CPVL: variants seen among roughly 807,000 people sequenced by gnomAD.
The protein encoded by CPVL is probable serine carboxypeptidase CPVL.
CPVL carries 51 observed loss-of-function variants against 63.7 expected under a neutral mutation model. The ratio of observed to expected loss-of-function variants is 0.80; its 90% CI spans 0.64 to 1.01. The LOEUF is 1.01. Among genes scored for constraint, CPVL ranks in the 50% least tolerant of loss-of-function variants. The pLI, the probability that CPVL is intolerant of heterozygous loss-of-function variation, is 0.00. For synonymous variants in CPVL, 195 were observed against 206.0 expected (o/e 0.95, Z 0.46); for missense variants, 530 against 573.1 (o/e 0.92, Z 0.77).
intron 5 of CPVL, among the ~76,000 whole-genome samples, chr7:29,172,864 G>A (rs1189866471): frequency 6.6e-6 from 1 of 151,916 alleles, no homozygotes; most frequent in Non-Finnish European, 1.5e-5. Context: ...GGATAAGGCC[G>A]AGTGTGGTAG....
chr7:29,133,874 G>A (rs1183085560), intron 1 of CPVL, among the ~76,000 whole-genome samples: 1 of 152,048 alleles, frequency 6.6e-6, no homozygotes, highest in African/African-American at 2.4e-5. Context: ...CTACAGAAAG[G>A]GTCAAAAATG....
chr7:29,156,391 A>T (rs1275978640), intron 5 of CPVL, among the ~76,000 whole-genome samples: 1 of 152,206 alleles, frequency 6.6e-6, no homozygotes, highest in East Asian at 1.9e-4. Context: ...AGAAATTATA[A>T]ATCTGAGGCA....
intron 4 of CPVL, among the ~76,000 whole-genome samples, chr7:29,184,050 A>G (rs1182881078): frequency 1.3e-5 from 2 of 151,914 alleles, no homozygotes; most frequent in African/African-American, 4.8e-5. Flanking sequence ...TTTATATAAG[A>G]CACTTGGGCA....
intron 12 of CPVL, chr7:29,011,781 G>A (rs1422049880): frequency 6.6e-6 from 1 of 152,142 alleles, no homozygotes; most frequent in Admixed American, 6.5e-5. Flanking sequence ...AAACCAGAGG[G>A]TCTGAAAACT....
chr7:29,010,007 C>T (rs1471395048), intron 12 of CPVL: 3 of 152,044 alleles, frequency 2.0e-5, no homozygotes, highest in Non-Finnish European at 4.4e-5. Flanking sequence ...GTGCTTTTTT[C>T]TTCTCCCCTA....
At chr7:29,092,520 A>G in intron 6 of CPVL, 103 bp downstream of exon 6, 1 of 755,904 alleles carries the variant, frequency 1.3e-6, no homozygotes, top group Non-Finnish European at 2.3e-6. Context: ...GAATTGGACT[A>G]TAAGGCTCAG....
At chr7:29,114,238 C>T (rs1333057764) in intron 2 of CPVL, among the ~76,000 whole-genome samples, 4 of 152,112 alleles carry the variant, frequency 2.6e-5, no homozygotes, top group Non-Finnish European at 5.9e-5. Context: ...CCACTAGTTC[C>T]TATTTTACAA....
At chr7:29,102,714 C>T (rs1247621140) in intron 3 of CPVL, among the ~76,000 whole-genome samples, 1 of 152,152 alleles carries the variant, frequency 6.6e-6, no homozygotes, top group Non-Finnish European at 1.5e-5. Flanking sequence ...ATGGCTTTGC[C>T]TCAGAAGCCC....
intron 11 of CPVL, among the ~76,000 whole-genome samples, chr7:29,047,065 C>G (rs1260130185): frequency 6.6e-6 from 1 of 152,090 alleles, no homozygotes; most frequent in Non-Finnish European, 1.5e-5. Context: ...ATTTGTCTTC[C>G]GTCATTCCAT....
intron 5 of CPVL, among the ~76,000 whole-genome samples, chr7:29,161,436 C>A (rs143716591): frequency 0.012 from 1,876 of 152,306 alleles, 24 homozygotes; most frequent in South Asian, 0.022. Context: ...ACCCAACTTC[C>A]CTTTCCAGCT....
At chr7:29,082,319 T>C (rs551518473) in intron 7 of CPVL, 2 of 152,294 alleles carry the variant, frequency 1.3e-5, no homozygotes, top group Admixed American at 1.3e-4. Context: ...ATCTGATTGT[T>C]AGATGAAAAG....
chr7:29,039,640 C>A (rs1360872399), intron 11 of CPVL, among the ~76,000 whole-genome samples: 1 of 152,074 alleles, frequency 6.6e-6, no homozygotes, highest in Admixed American at 6.5e-5. Flanking sequence ...CTGTTCTAAA[C>A]TTTAACCATT....
intron 11 of CPVL, among the ~76,000 whole-genome samples, chr7:29,057,236 A>T (rs1203481306): frequency 6.6e-6 from 1 of 152,128 alleles, no homozygotes; most frequent in East Asian, 1.9e-4. Context: ...GATTATAGAC[A>T]TGAGCCACTG....
chr7:29,153,843 T>A lies in CPVL; in HGVS notation c.-11+27447A>T, dbSNP rs141992293. The stretch of plus-strand genomic sequence containing the variant: ...CCTCGGCCTCTCTAAGTGCTGGGAT[T>A]ACAGGCATGAGCCACCGCACCTGGC... On this transcript the variant is annotated intron_variant, in intron 5 of 16. Transcript: ENST00000409850. Among the ~76,000 whole-genome samples, 1,048 of 152,364 alleles carry A rather than the reference T, an allele frequency of 6.9e-3. 15 individuals carry two copies. The highest frequency in any genetic ancestry group is 0.024 in the African/African-American group (1,003 of 41,580).
chr7:29,179,136 C>G (rs564229820), intron 5 of CPVL, among the ~76,000 whole-genome samples: 1 of 152,264 alleles, frequency 6.6e-6, no homozygotes, highest in South Asian at 2.1e-4. Flanking sequence ...TTGAAAACAG[C>G]CCCTCCATTT....
intron 9 of CPVL, 36 bp from the exon 10 acceptor site, chr7:29,066,157 GAAA>G (rs751462016): frequency 1.8e-4 from 184 of 1,032,418 alleles, no homozygotes; most frequent in South Asian, 8.4e-4. Flanking sequence ...AAGAAAGAAA[GAAA>G]ACATCAGTGT....
At chr7:29,167,553 A>G (rs1485416170) in intron 5 of CPVL, among the ~76,000 whole-genome samples, 1 of 152,188 alleles carries the variant, frequency 6.6e-6, no homozygotes, top group African/African-American at 2.4e-5. Context: ...TGAGTCGAAG[A>G]CTATATGAAT....
chr7:29,165,419 T>C (rs1420419844), intron 5 of CPVL, among the ~76,000 whole-genome samples: 1 of 152,218 alleles, frequency 6.6e-6, no homozygotes, highest in East Asian at 1.9e-4. Context: ...CCAATATTTT[T>C]GTGTGTGTAG....
chr7:29,148,042 T>G (rs551313656), upstream of CPVL, among the ~76,000 whole-genome samples: 2 of 152,124 alleles, frequency 1.3e-5, no homozygotes, highest in East Asian at 3.9e-4. Context: ...GAAGCAGCTG[T>G]CCCCCAGCCA....
Sources: allele counts gnomAD v4.1 joint callset (sites outside exome capture counted in the v4.1 genomes callset), GRCh38; gene constraint gnomAD v4.1.1; transcripts MANE v1.5; gene names NCBI Gene and HGNC (gene_info 2026-07-23, HGNC 2026-07-21).